Variants in GLI3 observed in about 807,000 individuals in gnomAD.
GLI3 encodes the protein transcription activator GLI3.
GLI3 carries 20 observed loss-of-function variants against 100.8 expected under a neutral mutation model. The observed-to-expected ratio is 0.20, with a 90% confidence interval of 0.14 to 0.29. GLI3 has a LOEUF of 0.29. Ranked by LOEUF, GLI3 falls within the 10% of genes least tolerant of loss-of-function variation. GLI3 has a pLI of 1.00. For synonymous variants in GLI3, 938 were observed against 860.5 expected, an observed-to-expected ratio of 1.09 and a Z score of -1.58; for missense variants, 2,040 against 2,128.5, an observed-to-expected ratio of 0.96 and a Z score of 0.82.
intron 4 of GLI3, among the ~76,000 whole-genome samples, chr7:42,072,061 GA>G (rs1415171316): frequency 6.6e-6 from 1 of 152,234 alleles, no homozygotes; most frequent in African/African-American, 2.4e-5. Flanking sequence ...TTCGAAAGTG[GA>G]TTAGTAAAGT....
intron 1 of GLI3, among the ~76,000 whole-genome samples, chr7:42,259,839 T>A (rs567114491): frequency 4.6e-5 from 7 of 152,198 alleles, no homozygotes; most frequent in Non-Finnish European, 1.0e-4. Flanking sequence ...ATTGCTTGGA[T>A]CCAGCTAACA....
Position 42,023,385 on chromosome 7 carries a change from C to G in GLI3, c.1497+83G>C, listed in dbSNP as rs1788999473. ...GCAATGCGGCTCCTAAGAAACTTGACTCAGCTCAGGGTCAGAGAGGCTGAC... is the reference window on the plus strand; with the variant it reads ...GCAATGCGGCTCCTAAGAAACTTGAGTCAGCTCAGGGTCAGAGAGGCTGAC... On this transcript the variant is annotated intron_variant, in intron 10 of 14. Transcript: ENST00000395925. 4.0e-5 allele frequency: 57 copies of G among 1,440,760 alleles called. No individual in the cohort carries two copies. The South Asian group carries it at 6.0e-4, about 15-fold the overall frequency. 89.2% of individuals were successfully genotyped at this position (1,440,760 alleles called of 1,614,324 possible).
At position 42,048,530 on chromosome 7, in the gene GLI3, A is replaced by T; in HGVS notation, c.640T>A (p.Ser214Thr). ...IRSLHSSPSL[S>T]MISATRGLSP... ...AGCCCACGGGTTGCTGAGATCATGG[A>T]GAGCGATGGGCTGCTGTGCAAGGAG... Residue 214 changes from serine (S) to threonine (T), a missense_variant, in exon 5 of 15, where the codon TCC becomes ACC. Coordinates refer to ENST00000395925, the MANE Select transcript of GLI3 (RefSeq NM_000168.6). 6.2e-7 allele frequency: 1 copy of T among 1,613,482 alleles called. No individual in the cohort carries two copies.
chr7:42,101,607 AT>A (rs200966478), intron 3 of GLI3, among the ~76,000 whole-genome samples: 19,027 of 148,570 alleles, frequency 0.13, 1,266 homozygotes, highest in African/African-American at 0.17. Flanking sequence ...CTCTGTCTCA[AT>A]TTTTTTTTTT....
intron 2 of GLI3, among the ~76,000 whole-genome samples, chr7:42,169,764 C>CAAAGAGA (rs1293159689): frequency 1.3e-4 from 17 of 134,200 alleles, no homozygotes; most frequent in African/African-American, 3.0e-4. Context: ...AGAAGAGAAG[C>CAAAGAGA]AAAGAGAAAA....
chr7:42,246,787 C>T (rs1200288173), intron 1 of GLI3, among the ~76,000 whole-genome samples: 1 of 133,244 alleles, frequency 7.5e-6, no homozygotes, highest in African/African-American at 2.8e-5. Flanking sequence ...GAGTTAAAGG[C>T]TCATTGGATG....
chr7:42,014,036 A>T (rs1015033237), intron 10 of GLI3, among the ~76,000 whole-genome samples: 1 of 152,072 alleles, frequency 6.6e-6, no homozygotes, highest in African/African-American at 2.4e-5. Context: ...TATCCTCCCA[A>T]ATTTTAAAAA....
At chr7:42,148,799 A>C (rs115003719) in intron 2 of GLI3, among the ~76,000 whole-genome samples, 1 of 152,134 alleles carries the variant, frequency 6.6e-6, no homozygotes, top group South Asian at 2.1e-4. Context: ...GCTGGCCAAC[A>C]TCTTGCAGGT....
At chr7:42,224,357 A>G (rs570721775) in intron 1 of GLI3, among the ~76,000 whole-genome samples, 7 of 152,368 alleles carry the variant, frequency 4.6e-5, no homozygotes, top group African/African-American at 1.4e-4. Context: ...TTGACCAACT[A>G]AAAGTTAAAA....
chr7:42,101,668 T>TTTCA lies in GLI3; in HGVS notation c.368-24812_368-24811insTGAA, dbSNP rs112027334. On this transcript the variant is annotated intron_variant, in intron 3 of 14. Transcript: ENST00000395925. ...TGCTGAATTTCGTTTGCTAGTATCT[T>TTTCA]TTTATTTATTTATTTATTTATTTTA... is the stretch of plus-strand genomic sequence containing the variant. 2.7e-3 allele frequency among the ~76,000 whole-genome samples: 404 copies of TTTCA among 148,066 alleles called. 1 individual carries two copies. The highest frequency in any genetic ancestry group is 9.8e-3 in the African/African-American group (392 of 40,016).
At chr7:42,116,861 C>T (rs2128769190) in intron 3 of GLI3, among the ~76,000 whole-genome samples, 1 of 151,376 alleles carries the variant, frequency 6.6e-6, no homozygotes, top group Non-Finnish European at 1.5e-5. Flanking sequence ...TCTCATAAGA[C>T]CGAGGGTGTC....
intron 2 of GLI3, among the ~76,000 whole-genome samples, chr7:42,185,350 CTT>C (rs1787697821): frequency 6.6e-6 from 1 of 152,210 alleles, no homozygotes; most frequent in Admixed American, 6.5e-5. Flanking sequence ...CTCCAGGCTG[CTT>C]TCTTATTCCC....
intron 1 of GLI3, among the ~76,000 whole-genome samples, chr7:42,232,496 A>T (rs1788712880): frequency 6.6e-6 from 1 of 151,702 alleles, no homozygotes; most frequent in African/African-American, 2.4e-5. Flanking sequence ...GGGCCCGGGC[A>T]GACAATGAAT....
At chr7:42,239,334 G>T (rs1030856282), upstream of GLI3, among the ~76,000 whole-genome samples, 6 of 152,150 alleles carry the variant, frequency 3.9e-5, no homozygotes, top group Non-Finnish European at 8.8e-5. Context: ...GCCAGGTCGC[G>T]TACCTCCCAG....
At chr7:42,155,744 G>A (rs897395391) in intron 2 of GLI3, among the ~76,000 whole-genome samples, 1 of 152,126 alleles carries the variant, frequency 6.6e-6, no homozygotes, top group Non-Finnish European at 1.5e-5. Flanking sequence ...TCAGATAAAC[G>A]AAAATGTAAA....
At chr7:42,079,074 G>A (rs1039502277) in intron 3 of GLI3, among the ~76,000 whole-genome samples, 1 of 152,130 alleles carries the variant, frequency 6.6e-6, no homozygotes, top group Non-Finnish European at 1.5e-5. Flanking sequence ...TATAAAAATT[G>A]ATTATATTTT....
chr7:41,977,535 C>G, intron 12 of GLI3, 23 bp downstream of exon 12: 1 of 1,612,162 alleles, frequency 6.2e-7, no homozygotes, highest in Non-Finnish European at 8.5e-7. Flanking sequence ...TATGCAAGCT[C>G]CATGCCCACT....
rs536481023 is a variant in GLI3, at chr7:41,988,034, T to C, written c.1498-9286A>G. On this transcript the variant is annotated intron_variant, in intron 10 of 14. Coordinates refer to ENST00000395925, the MANE Select transcript of GLI3 (RefSeq NM_000168.6). ...AGTAAATATTCATAATATTGGTTGA[T>C]GTTATTTATATTATTTAGGTCAAAA... 4.8e-4 allele frequency among the ~76,000 whole-genome samples: 73 copies of C among 152,308 alleles called. 1 individual carries two copies. The South Asian group carries it at 0.013, about 27-fold the overall frequency.
intron 4 of GLI3, 99 bp downstream of exon 4, chr7:42,076,653 C>A: frequency 2.5e-6 from 2 of 804,298 alleles, no homozygotes; most frequent in East Asian, 4.9e-5. Context: ...TCTATCACAT[C>A]TTCAAAGCCC....
Sources: allele counts gnomAD v4.1 joint callset (sites outside exome capture counted in the v4.1 genomes callset), GRCh38; gene constraint gnomAD v4.1.1; transcripts MANE v1.5; gene names NCBI Gene and HGNC (gene_info 2026-07-23, HGNC 2026-07-21).